The following LRP5 variants were observed in gnomAD, a reference collection of about 807,000 sequenced individuals.
The protein encoded by LRP5 is low-density lipoprotein receptor-related protein 5.
In LRP5, 62 loss-of-function variants were observed where a neutral mutation model predicts 154.1. The ratio of observed to expected loss-of-function variants is 0.40; its 90% CI spans 0.33 to 0.50. The LOEUF (loss-of-function observed/expected upper bound fraction) is 0.50. LRP5 is among the 20% of genes least tolerant of loss of function. The pLI is 0.55. For synonymous variants in LRP5, 966 were observed against 1,011.5 expected, an observed-to-expected ratio of 0.96 and a Z score of 0.85; for missense variants, 1,915 against 2,336.7, an observed-to-expected ratio of 0.82 and a Z score of 3.72.
chr11:68,378,795 T>G (rs905761637), intron 5 of LRP5, among the ~76,000 whole-genome samples: 5 of 152,090 alleles, frequency 3.3e-5, no homozygotes, highest in African/African-American at 1.2e-4. Flanking sequence ...CCCAACACTT[T>G]GGGAGGCTGG....
Position 68,423,735 on chromosome 11 carries a change from C to G in LRP5, c.3236+38C>G, listed in dbSNP as rs1331264018. 1.3e-6 allele frequency: 2 copies of G among 1,562,522 alleles called. No individual in the cohort carries two copies. On this transcript the variant is annotated intron_variant, in intron 14 of 22. Coordinates refer to ENST00000294304, the MANE Select transcript of LRP5 (RefSeq NM_002335.4). This position sits in a 1 kb window ranked among gnomAD's most constrained non-coding sequence, Gnocchi z 4.7. ...CGGGTGGGTGGGGGTGCTGCCCGTC[C>G]AGGCGTGCCCGCCGTGTCTTCTGCC...
chr11:68,354,293 T>C (rs1237991999), intron 2 of LRP5, among the ~76,000 whole-genome samples: 1 of 152,220 alleles, frequency 6.6e-6, no homozygotes, highest in African/African-American at 2.4e-5. Context: ...AACCAGTCTC[T>C]GGTCACCGAC....
intron 5 of LRP5, among the ~76,000 whole-genome samples, chr11:68,374,875 C>T (rs1185527621): frequency 2.0e-5 from 3 of 152,194 alleles, no homozygotes; most frequent in Admixed American, 1.3e-4. Context: ...GGAGCGGGGG[C>T]ACAGGGGGAA....
In LRP5 at chr11:68,347,935, C is replaced by T. The variant is rs533073394; in HGVS notation, c.180C>T (p.Ser60=). ...AGCTGGAGTCCACCATCGTGGTCAG[C>T]GGCCTGGAGGATGCGGCCGCAGTGG... ...GVKLESTIVV[S]GLEDAAAVDF... The change falls in exon 2 of 23, where the codon AGC becomes AGT. Residue 60 remains serine (S), a synonymous_variant. Transcript: ENST00000294304. 44 of 1,613,894 alleles carry T rather than the reference C, an allele frequency of 2.7e-5. No homozygotes were observed. Among genetic ancestry groups the T allele is most frequent in the African/African-American group, 6.7e-5 (5 of 75,052 alleles).
chr11:68,336,748 C>T (rs2450902), intron 1 of LRP5, among the ~76,000 whole-genome samples: 2 of 152,180 alleles, frequency 1.3e-5, no homozygotes, highest in South Asian at 2.1e-4. Context: ...AGATTACAGT[C>T]GTGAGCCACC....
At chr11:68,314,987 A>G (rs765453195) in intron 1 of LRP5, among the ~76,000 whole-genome samples, 1 of 152,140 alleles carries the variant, frequency 6.6e-6, no homozygotes, top group Non-Finnish European at 1.5e-5. Context: ...GTGCTGTGTC[A>G]CTGCTCAGGC....
chr11:68,400,560 A>AAAATAAAT (rs34152966), intron 7 of LRP5, among the ~76,000 whole-genome samples: 2,580 of 147,980 alleles, frequency 0.017, 75 homozygotes, highest in African/African-American at 0.055. Flanking sequence ...GTCTCTACTA[A>AAAATAAAT]AAATAAATAA....
At chr11:68,328,571 A>G (rs1296680489) in intron 1 of LRP5, among the ~76,000 whole-genome samples, 1 of 152,102 alleles carries the variant, frequency 6.6e-6, no homozygotes, top group Non-Finnish European at 1.5e-5. Flanking sequence ...TCCCACCTCG[A>G]TGGAAACCAC....
rs138241287 is a variant in LRP5 at position 68,422,148 on chromosome 11, A to G, written c.3028-1341A>G. 8.2e-3 allele frequency among the ~76,000 whole-genome samples: 1,253 copies of G among 151,994 alleles called. 18 individuals carry two copies. The highest frequency in any genetic ancestry group is 0.028 in the African/African-American group (1,173 of 41,420). On this transcript the variant is annotated intron_variant, in intron 13 of 22. Coordinates refer to ENST00000294304, the MANE Select transcript of LRP5 (RefSeq NM_002335.4). ...TTTTTGATACAGATGGAGTCTTGCT[A>G]TGTTGCCCAGACTAGTCTCAAACTC...
Position 68,447,541 on chromosome 11 carries a change from C to T in LRP5, c.4586+1008C>T, listed in dbSNP as rs2098682108. 6.6e-6 allele frequency among the ~76,000 whole-genome samples: 1 copy of T among 152,140 alleles called. No individual in the cohort carries two copies. The highest frequency in any genetic ancestry group is 1.5e-5 in the Non-Finnish European group (1 of 68,030). On this transcript the variant is annotated intron_variant, in intron 22 of 22. Coordinates refer to ENST00000294304, the MANE Select transcript of LRP5 (RefSeq NM_002335.4). The surrounding 1 kb of genome is among the most constrained non-coding windows in gnomAD (Gnocchi z 4.3). ...CAGTCTGTCCCACAGCCTTACAGAC[C>T]ACTGTCTCCAGAATGGTCACATCCA... is the stretch of plus-strand genomic sequence containing the variant.
At chr11:68,321,176 T>A (rs987181810) in intron 1 of LRP5, among the ~76,000 whole-genome samples, 3 of 151,566 alleles carry the variant, frequency 2.0e-5, no homozygotes, top group African/African-American at 7.3e-5. Flanking sequence ...TAAATGCTGC[T>A]CTTTTATGTG....
At chr11:68,422,264 G>A (rs987253991) in intron 13 of LRP5, among the ~76,000 whole-genome samples, 5 of 152,152 alleles carry the variant, frequency 3.3e-5, no homozygotes, top group Non-Finnish European at 5.9e-5. Context: ...ATTAACTGCT[G>A]AAAGACCTAG....
At chr11:68,314,931 T>C (rs1475634103) in intron 1 of LRP5, among the ~76,000 whole-genome samples, 1 of 152,232 alleles carries the variant, frequency 6.6e-6, no homozygotes, top group African/African-American at 2.4e-5. Flanking sequence ...CTGGGGAGAT[T>C]CACCTCGTGC....
In LRP5 at chr11:68,407,942, C is replaced by T. The variant is rs947218726; in HGVS notation, c.2091+1129C>T. On this transcript the variant is annotated intron_variant, in intron 9 of 22. Coordinates refer to ENST00000294304, the MANE Select transcript of LRP5 (RefSeq NM_002335.4). ...TCTGCCGAGATGAGTTGTGACAGAT[C>T]TGTATGGGCTCTAAAGCCTAAAACA... 2.0e-5 allele frequency among the ~76,000 whole-genome samples: 3 copies of T among 152,322 alleles called. No homozygotes were observed. The East Asian group carries it at 5.8e-4, about 29-fold the overall frequency.
intron 2 of LRP5, among the ~76,000 whole-genome samples, chr11:68,348,661 C>T (rs944762380): frequency 6.6e-6 from 1 of 151,028 alleles, no homozygotes; most frequent in African/African-American, 2.5e-5. Context: ...TGAAAATGAA[C>T]CCGTGGGGGT....
rs987479475 is a variant in LRP5, at chr11:68,433,582, C to T, written c.3764-20C>T. On this transcript the variant is annotated intron_variant, in intron 17 of 22. Coordinates refer to ENST00000294304, the MANE Select transcript of LRP5 (RefSeq NM_002335.4). ...GCTGGGCGGGGCTGCGTGTGATGTT[C>T]TCCTCTGTCCCTCCCCCAGAGCCGC... is the stretch of plus-strand genomic sequence containing the variant. The T allele has an allele frequency of 1.2e-6, 2 of 1,601,028 alleles. No individual in the cohort carries two copies. Among genetic ancestry groups the T allele is most frequent in the South Asian group, 1.1e-5 (1 of 90,818 alleles).
intron 1 of LRP5, among the ~76,000 whole-genome samples, chr11:68,338,731 C>G (rs1186021694): frequency 1.3e-5 from 2 of 152,172 alleles, no homozygotes; most frequent in Non-Finnish European, 2.9e-5. Context: ...AACTGGGAAT[C>G]CAGGCAAAAG....
intron 4 of LRP5, among the ~76,000 whole-genome samples, chr11:68,364,320 G>A (rs1471676976): frequency 6.6e-6 from 1 of 151,484 alleles, no homozygotes; most frequent in East Asian, 1.9e-4. Flanking sequence ...ACACGTATGT[G>A]TGTATATATA....
At chr11:68,331,462 C>G (rs1309542315) in intron 1 of LRP5, among the ~76,000 whole-genome samples, 1 of 152,230 alleles carries the variant, frequency 6.6e-6, no homozygotes, top group African/African-American at 2.4e-5. Context: ...GTGTCAGGGC[C>G]ATAGCCCCCA....
Sources: allele counts gnomAD v4.1 joint callset (sites outside exome capture counted in the v4.1 genomes callset), GRCh38; gene constraint gnomAD v4.1.1; non-coding constraint Gnocchi (gnomAD v3.1); transcripts MANE v1.5; gene names NCBI Gene and HGNC (gene_info 2026-07-23, HGNC 2026-07-21).